PCDHB5: variants seen among roughly 807,000 people sequenced by gnomAD.
PCDHB5 encodes the protein protocadherin beta-5.
For missense variants in PCDHB5, 1,125 were observed against 1,029.4 expected (o/e 1.09, Z -1.27); for synonymous variants, 569 against 462.2 (o/e 1.23, Z -2.96).
chr5:141,137,613 C>A lies in PCDHB5; in HGVS notation c.2179C>A (p.Pro727Thr), dbSNP rs200219430. The A allele has an allele frequency of 3.6e-5, 58 of 1,613,546 alleles. No individual in the cohort carries two copies. In the African/African-American group the frequency reaches 7.1e-4, roughly 20 times the overall value. The change falls in exon 1 of 1, where the codon CCC becomes ACC. Residue 727 changes from proline (P) to threonine (T), a missense_variant. Pro to Thr is a conservative substitution (Grantham distance 38). Transcript: ENST00000231134. ...RAAPVGRCSVPEGPFPGHLVD... is the reference protein window; with the variant it reads ...RAAPVGRCSVTEGPFPGHLVD... ...GGCCCCGGTCGGTCGCTGCTCGGTG[C>A]CCGAGGGCCCCTTTCCAGGGCATCT...
In PCDHB5 at chr5:141,135,623, C is replaced by T; in HGVS notation, c.189C>T (p.Gly63=). 6.2e-7 allele frequency: 1 copy of T among 1,613,990 alleles called. No individual in the cohort carries two copies. The highest frequency in any genetic ancestry group is 8.5e-7 in the Non-Finnish European group (1 of 1,180,012). ...GGGTGGGGGAACTGGCCACTCGGGG[C>T]GCGCGAATGCATTACAAAGGAAACA... ...GLGVGELATR[G]ARMHYKGNKE... is the part of the protein sequence containing the mutation. The change falls in exon 1 of 1, where the codon GGC becomes GGT. Residue 63 remains glycine, a synonymous_variant. Coordinates refer to ENST00000231134, the MANE Select transcript of PCDHB5 (RefSeq NM_015669.5).
In PCDHB5 at chr5:141,137,488, T is replaced by C. The variant is rs1459540300; in HGVS notation, c.2054T>C (p.Leu685Pro). The C allele has an allele frequency of 1.2e-6, 2 of 1,612,664 alleles. No individual in the cohort carries two copies. The highest frequency in any genetic ancestry group is 1.3e-5 in the African/African-American group (1 of 74,848). ...AAPAQAQADS[L>P]TVYLVVALAS... ...CCGGCCCAGGCCCAGGCCGACTCGC[T>C]CACTGTCTACCTGGTGGTGGCATTG... The change falls in exon 1 of 1, where the codon CTC becomes CCC. Residue 685 changes from leucine (L) to proline (P), a missense_variant. Transcript: ENST00000231134.
Position 141,137,458 on chromosome 5 carries a change from C to T in PCDHB5, c.2024C>T (p.Ala675Val), listed in dbSNP as rs1554276221. ...FSQPYLPLPE[A>V]APAQAQADSL... The stretch of plus-strand genomic sequence containing the variant: ...CAGCCCTACCTGCCGCTGCCGGAGG[C>T]GGCCCCGGCCCAGGCCCAGGCCGAC... Residue 675 changes from alanine (A) to valine (V), a missense_variant, in exon 1 of 1, where the codon GCG (alanine) becomes GTG (valine). Ala to Val is a moderately conservative substitution (Grantham distance 64). Transcript: ENST00000231134. 6.2e-7 allele frequency: 1 copy of T among 1,612,416 alleles called. No homozygotes were observed. The highest frequency in any genetic ancestry group is 8.5e-7 in the Non-Finnish European group (1 of 1,179,666).
chr5:141,138,330 G>A lies in PCDHB5; in HGVS notation c.*508G>A, dbSNP rs2149634898. 6.6e-6 allele frequency: 1 copy of A among 152,528 alleles called. No homozygotes were observed. The highest frequency in any genetic ancestry group is 3.4e-3 in the Middle Eastern group (1 of 292). 9.4% of individuals were successfully genotyped at this position (152,528 alleles called of 1,614,324 possible). A position where few individuals can be genotyped will look rare whatever the true frequency, so the allele number is the denominator to read the frequency against. On this transcript the variant is annotated 3_prime_UTR_variant, in exon 1 of 1. Coordinates refer to ENST00000231134, the MANE Select transcript of PCDHB5 (RefSeq NM_015669.5). ...TATTTACTCTTTTTTGCAGCCCTGA[G>A]TCCTATTAGCAAACTTTTTAAAAAC...
Position 141,137,106 on chromosome 5 carries a change from C to A in PCDHB5, c.1672C>A (p.Pro558Thr). Residue 558 changes from proline to threonine, a missense_variant, in exon 1 of 1, where the codon CCC becomes ACC. By Grantham distance (38) the Pro-to-Thr change is conservative. Coordinates refer to ENST00000231134, the MANE Select transcript of PCDHB5 (RefSeq NM_015669.5). ...VLVLDANDNS[P>T]FVLYPLQNGS... ...GGTGCTGGACGCCAACGACAACTCG[C>A]CCTTCGTGCTGTATCCGCTGCAGAA... The A allele has an allele frequency of 6.2e-7, 1 of 1,611,638 alleles. No homozygotes were observed. Among genetic ancestry groups the A allele is most frequent in the Non-Finnish European group, 8.5e-7 (1 of 1,179,668 alleles).
At position 141,136,747 on chromosome 5, in the gene PCDHB5, T is replaced by C. The variant is rs1554275975; in HGVS notation, c.1313T>C (p.Val438Ala). Reference protein sequence around the residue: ...PRLKTEHNITVLVSDVNDNAP... With the variant: ...PRLKTEHNITALVSDVNDNAP... ...CTGAAAACCGAGCACAACATAACGG[T>C]CCTGGTCTCCGACGTCAATGACAAC... The change falls in exon 1 of 1, where the codon GTC becomes GCC. Residue 438 changes from valine (V) to alanine (A), a missense_variant. Val to Ala is a moderately conservative substitution (Grantham distance 64). Transcript: ENST00000231134. 1 of 1,613,700 alleles carries C rather than the reference T, an allele frequency of 6.2e-7. No individual in the cohort carries two copies. Among genetic ancestry groups the C allele is most frequent in the Admixed American group, 1.7e-5 (1 of 59,984 alleles).
In PCDHB5 at chr5:141,136,813, G is replaced by A. The variant is rs782681668; in HGVS notation, c.1379G>A (p.Arg460Gln). 5 of 1,613,600 alleles carry A rather than the reference G, an allele frequency of 3.1e-6. No homozygotes were observed. The highest frequency in any genetic ancestry group is 2.2e-5 in the East Asian group (1 of 44,858). ...FTQTSYTLFV[R>Q]ENNSPALHIG... ...CAAACCTCCTACACCCTGTTCGTCC[G>A]AGAGAACAACAGCCCCGCCCTGCAC... Residue 460 changes from arginine to glutamine, a missense_variant, in exon 1 of 1, where the codon CGA becomes CAA. By Grantham distance (43) the Arg-to-Gln change is conservative (BLOSUM62 1). Transcript: ENST00000231134.
chr5:141,137,879 G>T lies in PCDHB5; in HGVS notation c.*57G>T. 6.8e-7 allele frequency: 1 copy of T among 1,468,812 alleles called. No homozygotes were observed. The highest frequency in any genetic ancestry group is 2.3e-5 in the East Asian group (1 of 43,846). The allele number at this position is 1,468,812 out of a possible 1,614,324, so 91.0% of individuals were successfully genotyped here. On this transcript the variant is annotated 3_prime_UTR_variant, in exon 1 of 1. Coordinates refer to ENST00000231134, the MANE Select transcript of PCDHB5 (RefSeq NM_015669.5). ...TTTATCCCAAACTTTTTCAGATCTA[G>T]AATTCGAGAGTGTCATGGACAAAAA...
Position 141,135,873 on chromosome 5 carries a change from C to A in PCDHB5, c.439C>A (p.Gln147Lys). The change falls in exon 1 of 1, where the codon CAG becomes AAG. Residue 147 changes from glutamine to lysine, a missense_variant. Coordinates refer to ENST00000231134, the MANE Select transcript of PCDHB5 (RefSeq NM_015669.5). ...GCTCCTAAAAATCCCAGAGAGCACC[C>A]AGCCAGGGACTGTGTTTCCCTTAAA... ...EMLLKIPEST[Q>K]PGTVFPLKIA... is the part of the protein sequence containing the mutation. The A allele has an allele frequency of 6.2e-7, 1 of 1,614,126 alleles. No individual in the cohort carries two copies. Among genetic ancestry groups the A allele is most frequent in the African/African-American group, 1.3e-5 (1 of 75,052 alleles).
In PCDHB5 at chr5:141,137,700, G is replaced by A. The variant is rs781995647; in HGVS notation, c.2266G>A (p.Gly756Arg). The A allele has an allele frequency of 1.5e-5, 24 of 1,614,114 alleles. No individual in the cohort carries two copies. Among genetic ancestry groups the A allele is most frequent in the Admixed American group, 5.0e-5 (3 of 60,014 alleles). Reference protein sequence around the residue: ...QSYHYEVCLTGDSGAGEFKFL... With the variant: ...QSYHYEVCLTRDSGAGEFKFL... The stretch of plus-strand genomic sequence containing the variant: ...CTACCACTACGAGGTGTGTTTGACC[G>A]GAGACTCAGGGGCCGGCGAGTTCAA... Residue 756 changes from glycine to arginine, a missense_variant, in exon 1 of 1, where the codon GGA (glycine) becomes AGA (arginine). By Grantham distance (125) the Gly-to-Arg change is moderately radical (BLOSUM62 -2). Coordinates refer to ENST00000231134, the MANE Select transcript of PCDHB5 (RefSeq NM_015669.5).
At position 141,136,063 on chromosome 5, in the gene PCDHB5, T is replaced by C; in HGVS notation, c.629T>C (p.Leu210Ser). The change falls in exon 1 of 1, where the codon TTA becomes TCA. Residue 210 changes from leucine (L) to serine (S), a missense_variant. By Grantham distance (145) the Leu-to-Ser change is moderately radical (BLOSUM62 -2). Coordinates refer to ENST00000231134, the MANE Select transcript of PCDHB5 (RefSeq NM_015669.5). Reference protein sequence around the residue: ...LDREERPELSLTLTALDGGAP... With the variant: ...LDREERPELSSTLTALDGGAP... ...CGGGAGGAGCGGCCTGAGCTCAGCT[T>C]AACACTCACTGCACTGGACGGTGGG... 6.2e-7 allele frequency: 1 copy of C among 1,614,196 alleles called. No homozygotes were observed. Among genetic ancestry groups the C allele is most frequent in the Non-Finnish European group, 8.5e-7 (1 of 1,179,998 alleles).
chr5:141,137,219 G>T lies in PCDHB5; in HGVS notation c.1785G>T (p.Ser595=), dbSNP rs147423247. ...AGGTGGTGGCGGTGGACGGTGACTC[G>T]GGCCAGAACGCCTGGCTGTCGTACC... ...VTKVVAVDGD[S]GQNAWLSYQL... The change falls in exon 1 of 1, where the codon TCG becomes TCT. Residue 595 remains serine (S), a synonymous_variant. Transcript: ENST00000231134. 19 of 1,610,784 alleles carry T rather than the reference G, an allele frequency of 1.2e-5. No homozygotes were observed. Among genetic ancestry groups the T allele is most frequent in the Non-Finnish European group, 1.5e-5 (18 of 1,179,626 alleles).
rs200887859 is a variant in PCDHB5, at chr5:141,135,568, T to C, written c.134T>C (p.Val45Ala). The C allele has an allele frequency of 1.9e-4, 302 of 1,614,030 alleles. No individual in the cohort carries two copies. Among genetic ancestry groups the C allele is most frequent in the Non-Finnish European group, 2.4e-4 (287 of 1,180,022 alleles). The part of the protein sequence containing the change: ...IPEETESGYS[V>A]ANLAKDLGLG... The stretch of plus-strand genomic sequence containing the variant: ...GAAGAAACAGAAAGTGGCTATTCTG[T>C]GGCCAACCTGGCAAAAGACCTGGGT... The change falls in exon 1 of 1, where the codon GTG becomes GCG. Residue 45 changes from valine to alanine, a missense_variant. Coordinates refer to ENST00000231134, the MANE Select transcript of PCDHB5 (RefSeq NM_015669.5).
chr5:141,135,238 C>G lies in PCDHB5; in HGVS notation c.-197C>G. ...TGGATAGTGGGCTCTGCGGATAACT[C>G]AGACGCCATTAAGCTGGGGAATCCA... On this transcript the variant is annotated 5_prime_UTR_variant, in exon 1 of 1. Coordinates refer to ENST00000231134, the MANE Select transcript of PCDHB5 (RefSeq NM_015669.5). 1 of 549,240 alleles carries G rather than the reference C, an allele frequency of 1.8e-6. No individual in the cohort carries two copies. Among genetic ancestry groups the G allele is most frequent in the African/African-American group, 1.9e-5 (1 of 53,162 alleles). 34.0% of individuals were successfully genotyped at this position (549,240 alleles called of 1,614,324 possible).
In PCDHB5 at chr5:141,137,657, C is replaced by T. The variant is rs1752629085; in HGVS notation, c.2223C>T (p.Thr741=). The change falls in exon 1 of 1, where the codon ACC becomes ACT. Residue 741 remains threonine (T), a synonymous_variant. Transcript: ENST00000231134. Reference sequence around the variant, plus strand: ...GGCATCTGGTGGACGTGAGCGGCACCGGGACCCTATCCCAGAGCTACCACT... The same window carrying T: ...GGCATCTGGTGGACGTGAGCGGCACTGGGACCCTATCCCAGAGCTACCACT... ...FPGHLVDVSG[T]GTLSQSYHYE... The T allele has an allele frequency of 1.9e-6, 3 of 1,614,014 alleles. No homozygotes were observed. Among genetic ancestry groups the T allele is most frequent in the African/African-American group, 2.7e-5 (2 of 74,946 alleles).
Position 141,136,664 on chromosome 5 carries a change from A to G in PCDHB5, c.1230A>G (p.Arg410=). The part of the protein sequence containing the change: ...YTLVTQRTLD[R]ESQAEYNITI... ...TAGTGACACAGAGAACACTGGACAGAGAGAGCCAAGCCGAGTACAACATCA... is the reference window on the plus strand; with the variant it reads ...TAGTGACACAGAGAACACTGGACAGGGAGAGCCAAGCCGAGTACAACATCA... The change falls in exon 1 of 1, where the codon AGA becomes AGG. Residue 410 remains arginine, a synonymous_variant. Transcript: ENST00000231134. 1.2e-6 allele frequency: 2 copies of G among 1,614,178 alleles called. No individual in the cohort carries two copies. Among genetic ancestry groups the G allele is most frequent in the Non-Finnish European group, 1.7e-6 (2 of 1,180,036 alleles).
rs1554275702 is a variant in PCDHB5, at chr5:141,135,574, A to C, written c.140A>C (p.Asn47Thr). The change falls in exon 1 of 1, where the codon AAC becomes ACC. Residue 47 changes from asparagine (N) to threonine (T), a missense_variant. Transcript: ENST00000231134. The stretch of plus-strand genomic sequence containing the variant: ...ACAGAAAGTGGCTATTCTGTGGCCA[A>C]CCTGGCAAAAGACCTGGGTCTTGGG... ...EETESGYSVA[N>T]LAKDLGLGVG... The C allele has an allele frequency of 6.2e-7, 1 of 1,614,176 alleles. No homozygotes were observed. Among genetic ancestry groups the C allele is most frequent in the Admixed American group, 1.7e-5 (1 of 60,022 alleles).
chr5:141,136,009 C>G lies in PCDHB5; in HGVS notation c.575C>G (p.Pro192Arg). The change falls in exon 1 of 1, where the codon CCA (proline) becomes CGA (arginine). Residue 192 changes from proline (P) to arginine (R), a missense_variant. Pro to Arg is a moderately radical substitution (Grantham distance 103). Coordinates refer to ENST00000231134, the MANE Select transcript of PCDHB5 (RefSeq NM_015669.5). Reference protein sequence around the residue: ...THNRGDGRKYPELVLDKALDR... With the variant: ...THNRGDGRKYRELVLDKALDR... Reference sequence around the variant, plus strand: ...AATCGCGGAGATGGCAGAAAATACCCAGAGCTGGTGCTGGACAAAGCGCTG... The same window carrying G: ...AATCGCGGAGATGGCAGAAAATACCGAGAGCTGGTGCTGGACAAAGCGCTG... 1 of 1,614,194 alleles carries G rather than the reference C, an allele frequency of 6.2e-7. No individual in the cohort carries two copies. The highest frequency in any genetic ancestry group is 8.5e-7 in the Non-Finnish European group (1 of 1,180,016).
chr5:141,137,840 G>T lies in PCDHB5; in HGVS notation c.*18G>T, dbSNP rs1299109959. 1 of 1,546,014 alleles carries T rather than the reference G, an allele frequency of 6.5e-7. No individual in the cohort carries two copies. The highest frequency in any genetic ancestry group is 8.7e-7 in the Non-Finnish European group (1 of 1,145,132). ...TAAATTAGAGATCTCGTGATGACGC[G>T]TTGTTTTCTGCCATTTATCCCAAAC... is the stretch of plus-strand genomic sequence containing the variant. On this transcript the variant is annotated 3_prime_UTR_variant, in exon 1 of 1. Coordinates refer to ENST00000231134, the MANE Select transcript of PCDHB5 (RefSeq NM_015669.5).
Sources: allele counts gnomAD v4.1 joint callset, GRCh38; gene constraint gnomAD v4.1.1; transcripts MANE v1.5; gene names NCBI Gene and HGNC (gene_info 2026-07-23, HGNC 2026-07-21).